The following KATNAL1 variants were observed in gnomAD, a reference collection of about 807,000 sequenced individuals.
The protein encoded by KATNAL1 is katanin catalytic subunit A1 like 1.
Under a neutral mutation model 55.2 loss-of-function variants are expected in KATNAL1, and 32 were observed. The observed-to-expected ratio is 0.58, with a 90% CI of 0.44 to 0.78. The LOEUF is 0.78. Ranked by LOEUF, KATNAL1 falls within the 30% of genes least tolerant of loss-of-function variation. The probability of loss-of-function intolerance (pLI) is 0.00; values close to 1 mark genes in which losing one functional copy is unlikely to be tolerated. For synonymous variants in KATNAL1, 193 were observed against 193.6 expected (o/e 1.00, Z 0.02); for missense variants, 466 against 600.9 (o/e 0.78, Z 2.35).
intron 6 of KATNAL1, among the ~76,000 whole-genome samples, chr13:30,237,195 T>C (rs548064629): frequency 2.4e-4 from 36 of 152,320 alleles, no homozygotes; most frequent in African/African-American, 8.4e-4. Flanking sequence ...ACTTAGCCTA[T>C]CATGTGACAC....
chr13:30,271,878 GAAAAAAAAAA>G (rs71299873), intron 3 of KATNAL1, among the ~76,000 whole-genome samples: 1 of 76,792 alleles, frequency 1.3e-5, no homozygotes, highest in East Asian at 4.0e-4. Context: ...AAGAAAAGAG[GAAAAAAAAAA>G]AAAAAAAAAA....
At chr13:30,233,632 T>TA (rs1371128183) in intron 6 of KATNAL1, among the ~76,000 whole-genome samples, 2 of 150,256 alleles carry the variant, frequency 1.3e-5, no homozygotes, top group Admixed American at 6.6e-5. Context: ...TGTCGAAGAA[T>TA]TATTTGCACT....
chr13:30,280,289 A>G, intron 2 of KATNAL1, 66 bp from the exon 3 acceptor site: 1 of 1,314,580 alleles, frequency 7.6e-7, no homozygotes, highest in South Asian at 1.7e-5. Flanking sequence ...GTAAATAATA[A>G]ATTACTATAG....
intron 9 of KATNAL1, among the ~76,000 whole-genome samples, chr13:30,212,493 C>T (rs570401663): frequency 4.3e-4 from 65 of 152,318 alleles, no homozygotes; most frequent in African/African-American, 1.4e-3. Context: ...TAGCTCCAGC[C>T]GAGCTCAGCC....
At position 30,230,550 on chromosome 13, in the gene KATNAL1, A is replaced by C. The variant is rs949302257; in HGVS notation, c.930T>G (p.Asp310Glu). The C allele has an allele frequency of 2.5e-6, 4 of 1,610,860 alleles. No individual in the cohort carries two copies. The South Asian group carries it at 4.4e-5, about 18-fold the overall frequency. ...AGGTTCCTCTTCGACTGCAGATAGA[A>C]TCTATCTCATCAATGAAGATCGTGG... ...APTTIFIDEIDSICSRRGTSD... is the reference protein window; with the variant it reads ...APTTIFIDEIESICSRRGTSD... Residue 310 changes from aspartate (D) to glutamate (E), a missense_variant, in exon 8 of 11, where the codon GAT becomes GAG. Asp to Glu is a conservative substitution (Grantham distance 45, BLOSUM62 2). Transcript: ENST00000380615.
At chr13:30,245,031 G>C (rs1877647844) in intron 4 of KATNAL1, among the ~76,000 whole-genome samples, 1 of 151,030 alleles carries the variant, frequency 6.6e-6, no homozygotes, top group African/African-American at 2.4e-5. Flanking sequence ...AAAAAAAAAG[G>C]GACTCTTCCC....
chr13:30,301,253 C>T (rs1882834534), intron 1 of KATNAL1, among the ~76,000 whole-genome samples: 1 of 152,042 alleles, frequency 6.6e-6, no homozygotes, highest in East Asian at 1.9e-4. Context: ...GCCTGTGGTC[C>T]CAGCTACTCA....
chr13:30,279,022 T>C (rs1405776565), intron 3 of KATNAL1, among the ~76,000 whole-genome samples: 2 of 152,256 alleles, frequency 1.3e-5, no homozygotes, highest in Non-Finnish European at 2.9e-5. Context: ...ATGCTTTTCA[T>C]AGTTCTTAAA....
intron 3 of KATNAL1, among the ~76,000 whole-genome samples, chr13:30,258,340 A>T (rs914156508): frequency 2.6e-5 from 4 of 152,210 alleles, no homozygotes; most frequent in Admixed American, 2.6e-4. Flanking sequence ...TATTATTTGT[A>T]AATGTTATTG....
intron 1 of KATNAL1, among the ~76,000 whole-genome samples, chr13:30,304,881 G>C (rs951015028): frequency 6.6e-6 from 1 of 152,108 alleles, no homozygotes; most frequent in Non-Finnish European, 1.5e-5. Context: ...AGAAACTGAG[G>C]AATCAATCAG....
At position 30,236,873 on chromosome 13, in the gene KATNAL1, G is replaced by A. The variant is rs139877600; in HGVS notation, c.726+3587C>T. On this transcript the variant is annotated intron_variant, in intron 6 of 10. Coordinates refer to ENST00000380615, the MANE Select transcript of KATNAL1 (RefSeq NM_032116.5). ...GTTCTCTTACACTTTTCATGTGTTTGTACCTGATATCCACTCTGCCTTAGA... is the reference window on the plus strand; with the variant it reads ...GTTCTCTTACACTTTTCATGTGTTTATACCTGATATCCACTCTGCCTTAGA... Among the ~76,000 whole-genome samples the A allele has an allele frequency of 2.8e-4, 43 of 152,236 alleles. 1 individual carries two copies. In the East Asian group the frequency reaches 7.1e-3, roughly 25 times the overall value.
chr13:30,303,907 G>A (rs10492464), intron 1 of KATNAL1, among the ~76,000 whole-genome samples: 10,928 of 152,226 alleles, frequency 0.072, 1,023 homozygotes, highest in East Asian at 0.32. Flanking sequence ...ATATGGTCAA[G>A]TAAAGTCTAG....
intron 3 of KATNAL1, among the ~76,000 whole-genome samples, chr13:30,258,459 C>G (rs765379814): frequency 6.6e-6 from 1 of 151,950 alleles, no homozygotes; most frequent in Non-Finnish European, 1.5e-5. Flanking sequence ...ATTTTATTTT[C>G]AACTTTTATT....
chr13:30,225,647 TACACACACACACAC>T (rs57630828), intron 9 of KATNAL1, among the ~76,000 whole-genome samples: 4 of 146,650 alleles, frequency 2.7e-5, no homozygotes, highest in African/African-American at 5.0e-5. Context: ...ATGACTCATC[TACACACACACACAC>T]ACACACACAC....
At position 30,206,971 on chromosome 13, in the gene KATNAL1, G is replaced by A. The variant is rs1873210286; in HGVS notation, c.*1569C>T. 1 of 152,108 alleles carries A rather than the reference G, an allele frequency of 6.6e-6. No homozygotes were observed. Among genetic ancestry groups the A allele is most frequent in the Non-Finnish European group, 1.5e-5 (1 of 67,994 alleles). 9.4% of individuals were successfully genotyped at this position (152,108 alleles called of 1,614,324 possible). On this transcript the variant is annotated 3_prime_UTR_variant, in exon 11 of 11. Transcript: ENST00000380615. The stretch of plus-strand genomic sequence containing the variant: ...AGCATCAGATGAATACTGGAGTTTA[G>A]GTCAGACTTAAGTTATCTGAAAAGA...
chr13:30,296,892 T>G (rs1487640652), intron 1 of KATNAL1, among the ~76,000 whole-genome samples: 1 of 152,016 alleles, frequency 6.6e-6, no homozygotes, highest in Non-Finnish European at 1.5e-5. Flanking sequence ...GGCCAAGGCC[T>G]TCTCATGCCT....
rs556943350 is a variant in KATNAL1, at chr13:30,270,264, C to A, written c.323+9799G>T. On this transcript the variant is annotated intron_variant, in intron 3 of 10. Transcript: ENST00000380615. Reference sequence around the variant, plus strand: ...GGAGGGAGGTTGGGGGGTCAGCCCCCCCGCCCGGCCAGCCACCCCGTCCAG... The same window carrying A: ...GGAGGGAGGTTGGGGGGTCAGCCCCACCGCCCGGCCAGCCACCCCGTCCAG... 3.5e-4 allele frequency among the ~76,000 whole-genome samples: 49 copies of A among 141,328 alleles called. 2 individuals are homozygous for A. The highest frequency in any genetic ancestry group is 1.0e-3 in the African/African-American group (40 of 39,944). 92.7% of individuals were successfully genotyped at this position (141,328 alleles called of 152,430 possible).
intron 4 of KATNAL1, among the ~76,000 whole-genome samples, chr13:30,242,944 G>A (rs919427033): frequency 3.3e-5 from 5 of 152,046 alleles, no homozygotes; most frequent in African/African-American, 1.2e-4. Flanking sequence ...ACTTAAATTA[G>A]AATACAGACA....
rs1234249170 is a variant in KATNAL1, at chr13:30,207,719, A to C, written c.*821T>G. The stretch of plus-strand genomic sequence containing the variant: ...GAGGCAGAGGTTGCAGTGAGCCAAG[A>C]TCAACCACTGCACTACACAGCCTGG... On this transcript the variant is annotated 3_prime_UTR_variant, in exon 11 of 11. Transcript: ENST00000380615. The C allele has an allele frequency of 2.0e-5, 3 of 152,254 alleles. No homozygotes were observed. Among genetic ancestry groups the C allele is most frequent in the Non-Finnish European group, 4.4e-5 (3 of 68,082 alleles). 9.4% of individuals were successfully genotyped at this position (152,254 alleles called of 1,614,324 possible).
Sources: allele counts gnomAD v4.1 joint callset (sites outside exome capture counted in the v4.1 genomes callset), GRCh38; gene constraint gnomAD v4.1.1; transcripts MANE v1.5; gene names NCBI Gene and HGNC (gene_info 2026-07-23, HGNC 2026-07-21).